The following SEMA3A variants were observed in gnomAD, a reference collection of about 807,000 sequenced individuals.
SEMA3A encodes the protein semaphorin-3A.
A neutral mutation model predicts 97.9 loss-of-function variants in SEMA3A; 29 were observed. That is an observed-to-expected ratio of 0.30 (90% confidence interval 0.22 to 0.40). The LOEUF (loss-of-function observed/expected upper bound fraction) is 0.40. Among genes scored for constraint, SEMA3A ranks in the 10% least tolerant of loss-of-function variants. The pLI, the probability that SEMA3A is intolerant of heterozygous loss-of-function variation, is 1.00. For synonymous variants in SEMA3A, 321 were observed against 323.7 expected, an observed-to-expected ratio of 0.99 and a Z score of 0.09; for missense variants, 763 against 951.3, an observed-to-expected ratio of 0.80 and a Z score of 2.60.
At chr7:84,427,297 C>T (rs1452532891) in intron 1 of SEMA3A, among the ~76,000 whole-genome samples, 1 of 151,972 alleles carries the variant, frequency 6.6e-6, no homozygotes, top group Non-Finnish European at 1.5e-5. Context: ...TAAAAAATGA[C>T]CATGACTAGG....
intron 1 of SEMA3A, among the ~76,000 whole-genome samples, chr7:84,193,973 C>G (rs1370430799): frequency 6.6e-6 from 1 of 152,082 alleles, no homozygotes; most frequent in East Asian, 1.9e-4. Flanking sequence ...TCTTGGCAAA[C>G]CATGATCTAC....
At chr7:84,164,974 G>A (rs540581182) in intron 1 of SEMA3A, among the ~76,000 whole-genome samples, 10 of 152,218 alleles carry the variant, frequency 6.6e-5, no homozygotes, top group African/African-American at 2.2e-4. Flanking sequence ...TTGGGAGGCC[G>A]AAGTGGGTGG....
intron 12 of SEMA3A, among the ~76,000 whole-genome samples, chr7:83,992,587 A>C (rs1476605548): frequency 6.6e-6 from 1 of 151,870 alleles, no homozygotes; most frequent in Non-Finnish European, 1.5e-5. Flanking sequence ...CCCAGTAGTC[A>C]CTCAGGAGCA....
At chr7:84,451,893 G>C (rs1429572658) in intron 1 of SEMA3A, among the ~76,000 whole-genome samples, 2 of 152,128 alleles carry the variant, frequency 1.3e-5, no homozygotes, top group African/African-American at 4.8e-5. Context: ...TAACTCTGTA[G>C]TCTACATAAC....
chr7:83,958,024 A>G lies in SEMA3A; in HGVS notation c.*3347T>C, dbSNP rs533779241. ...AAAATGCTTGTCTGTGACCTTTAAG[A>G]TAAGCAATTTCAATAACAGTCATCT... On this transcript the variant is annotated 3_prime_UTR_variant, in exon 17 of 17. Transcript: ENST00000265362. The G allele has an allele frequency of 6.2e-4, 95 of 152,208 alleles. No individual in the cohort carries two copies. The highest frequency in any genetic ancestry group is 2.3e-3 in the African/African-American group (94 of 41,572). 9.4% of individuals were successfully genotyped at this position (152,208 alleles called of 1,614,324 possible). A position where few individuals can be genotyped will look rare whatever the true frequency, so the allele number is the denominator to read the frequency against.
At chr7:84,090,487 G>C (rs1158882925) in intron 4 of SEMA3A, among the ~76,000 whole-genome samples, 3 of 151,984 alleles carry the variant, frequency 2.0e-5, no homozygotes, top group Non-Finnish European at 4.4e-5. Flanking sequence ...CTGCAAGGAG[G>C]AAAGAGTCAA....
chr7:84,194,430 G>T, intron 1 of SEMA3A, 45 bp downstream of exon 1: 4 of 1,187,546 alleles, frequency 3.4e-6, no homozygotes, highest in African/African-American at 1.5e-5. Context: ...AAGGGGGGGG[G>T]CGGTTATTAC....
At chr7:84,271,110 C>G (rs1200892365) in intron 3 of SEMA3A, among the ~76,000 whole-genome samples, 1 of 151,932 alleles carries the variant, frequency 6.6e-6, no homozygotes, top group East Asian at 1.9e-4. Context: ...TATCATCTTT[C>G]TAATCACAAT....
chr7:84,104,501 T>A lies in SEMA3A; in HGVS notation c.453+5969A>T, dbSNP rs185505490. On this transcript the variant is annotated intron_variant, in intron 4 of 16. Coordinates refer to ENST00000265362, the MANE Select transcript of SEMA3A (RefSeq NM_006080.3). ...CAAGAGGTACAGGATAAATGAATGTTAATCTCATAACTATTGTGTTTATAT... is the reference window on the plus strand; with the variant it reads ...CAAGAGGTACAGGATAAATGAATGTAAATCTCATAACTATTGTGTTTATAT... Among the ~76,000 whole-genome samples, 677 of 152,314 alleles carry A rather than the reference T, an allele frequency of 4.4e-3. 6 individuals carry two copies. Among genetic ancestry groups the A allele is most frequent in the African/African-American group, 0.016 (647 of 41,582 alleles).
intron 6 of SEMA3A, among the ~76,000 whole-genome samples, chr7:84,027,461 C>T (rs1403464895): frequency 2.6e-5 from 4 of 152,162 alleles, no homozygotes; most frequent in African/African-American, 9.7e-5. Context: ...GAGTTACCAG[C>T]CAACCAGCAC....
At chr7:83,974,916 C>G (rs1789079303) in intron 15 of SEMA3A, among the ~76,000 whole-genome samples, 1 of 152,030 alleles carries the variant, frequency 6.6e-6, no homozygotes, top group South Asian at 2.1e-4. Flanking sequence ...CCCAAAAGAC[C>G]CTGTAACACT....
intron 1 of SEMA3A, among the ~76,000 whole-genome samples, chr7:84,475,046 C>A (rs1049366275): frequency 1.3e-5 from 2 of 152,158 alleles, no homozygotes; most frequent in Non-Finnish European, 2.9e-5. Context: ...CTCAGATGGG[C>A]TGGAGGCACC....
At chr7:84,342,517 T>C (rs1464391221) in intron 2 of SEMA3A, among the ~76,000 whole-genome samples, 1 of 152,202 alleles carries the variant, frequency 6.6e-6, no homozygotes, top group Non-Finnish European at 1.5e-5. Context: ...ATTTTTCAAG[T>C]AAATGAACAT....
chr7:84,200,834 A>G (rs1372225669), intron 3 of SEMA3A, among the ~76,000 whole-genome samples: 1 of 149,998 alleles, frequency 6.7e-6, no homozygotes, highest in Non-Finnish European at 1.5e-5. Flanking sequence ...CTCCACCTCA[A>G]CTCAAATGGA....
chr7:84,055,616 G>C (rs1302710074), intron 5 of SEMA3A, among the ~76,000 whole-genome samples: 1 of 152,160 alleles, frequency 6.6e-6, no homozygotes, highest in East Asian at 1.9e-4. Context: ...GCACTCCCTA[G>C]TGAGATGAAC....
intron 3 of SEMA3A, among the ~76,000 whole-genome samples, chr7:84,288,590 A>G (rs555434397): frequency 6.6e-6 from 1 of 152,044 alleles, no homozygotes; most frequent in Non-Finnish European, 1.5e-5. Context: ...CCCAGCTACT[A>G]GGGAGGCTGA....
At chr7:84,240,529 G>A (rs1257410969) in intron 3 of SEMA3A, among the ~76,000 whole-genome samples, 1 of 152,162 alleles carries the variant, frequency 6.6e-6, no homozygotes, top group Admixed American at 6.5e-5. Flanking sequence ...CCACGAGAGA[G>A]GGAAGATAAA....
At chr7:84,383,068 A>T (rs929091126) in intron 1 of SEMA3A, among the ~76,000 whole-genome samples, 16 of 152,274 alleles carry the variant, frequency 1.1e-4, no homozygotes, top group East Asian at 3.9e-4. Context: ...ATTCATTTTT[A>T]AAAAATTCTC....
chr7:84,436,640 T>G (rs1805138650), intron 1 of SEMA3A, among the ~76,000 whole-genome samples: 1 of 152,172 alleles, frequency 6.6e-6, no homozygotes, highest in Non-Finnish European at 1.5e-5. Flanking sequence ...TGTGTTATAA[T>G]ATGATTTTAA....
Sources: gnomAD v4.1 joint callset for allele counts (sites outside exome capture counted in the v4.1 genomes callset) on GRCh38, gnomAD v4.1.1 for gene constraint, MANE v1.5 for transcripts, NCBI Gene and HGNC (gene_info 2026-07-23, HGNC 2026-07-21) for gene names.